CHSY3: variants seen among roughly 807,000 people sequenced by gnomAD.
The protein encoded by CHSY3 is chondroitin sulfate synthase 3.
A neutral mutation model predicts 67.2 loss-of-function variants in CHSY3; 35 were observed. The ratio of observed to expected loss-of-function variants is 0.52; its 90% CI spans 0.40 to 0.69. The LOEUF (loss-of-function observed/expected upper bound fraction) is 0.69. CHSY3 is among the 30% of genes least tolerant of loss of function. The probability of loss-of-function intolerance (pLI) is 0.00; values close to 1 mark genes in which losing one functional copy is unlikely to be tolerated. For missense variants in CHSY3, 1,069 were observed against 1,138.5 expected (o/e 0.94, Z 0.88); for synonymous variants, 474 against 434.7 (o/e 1.09, Z -1.12).
intron 2 of CHSY3, among the ~76,000 whole-genome samples, chr5:130,135,705 T>C (rs1373459428): frequency 6.6e-6 from 1 of 152,144 alleles, no homozygotes; most frequent in Admixed American, 6.5e-5. Context: ...ACCAGTCATG[T>C]TGAACTCATG....
intron 2 of CHSY3, 25 bp from the exon 3 acceptor site, chr5:130,184,204 T>TG: frequency 2.1e-6 from 3 of 1,448,800 alleles, no homozygotes; most frequent in Non-Finnish European, 2.7e-6. Flanking sequence ...AAATTAACCC[T>TG]GATTTTTTTA....
Position 130,001,566 on chromosome 5 carries a change from G to T in CHSY3, c.1086+93206G>T, listed in dbSNP as rs949124085. 6.8e-6 allele frequency: 6 copies of T among 876,264 alleles called. No individual in the cohort carries two copies. In the African/African-American group the frequency reaches 1.1e-4, roughly 16 times the overall value. 54.3% of individuals were successfully genotyped at this position (876,264 alleles called of 1,614,324 possible). A position where few individuals can be genotyped will look rare whatever the true frequency, so the allele number is the denominator to read the frequency against. ...CCCATGGAGAGTCCCTCCTGTCCTT[G>T]CCTTTATTCCAAAAGAATAGTACTA... On this transcript the variant is annotated intron_variant, in intron 2 of 2. Coordinates refer to ENST00000305031, the MANE Select transcript of CHSY3 (RefSeq NM_175856.5).
chr5:129,941,928 C>T (rs1370144473), intron 2 of CHSY3, among the ~76,000 whole-genome samples: 1 of 152,114 alleles, frequency 6.6e-6, no homozygotes, highest in Admixed American at 6.6e-5. Flanking sequence ...GCTCACAGAA[C>T]TCAGGGAAAT....
rs375531331 is a variant in CHSY3, at chr5:130,111,200, A to G, written c.1087-73029A>G. 4.4e-4 allele frequency among the ~76,000 whole-genome samples: 67 copies of G among 152,234 alleles called. 1 individual carries two copies. The South Asian group carries it at 0.013, about 31-fold the overall frequency. On this transcript the variant is annotated intron_variant, in intron 2 of 2. Coordinates refer to ENST00000305031, the MANE Select transcript of CHSY3 (RefSeq NM_175856.5). The stretch of plus-strand genomic sequence containing the variant: ...CAGTCAAGTACAAATCCCCGTAGTC[A>G]TGGATCTTCAGGATGAAAACTGATT...
At chr5:130,147,306 C>T (rs1016608138) in intron 2 of CHSY3, among the ~76,000 whole-genome samples, 3 of 152,108 alleles carry the variant, frequency 2.0e-5, no homozygotes, top group African/African-American at 4.8e-5. Flanking sequence ...TTAAAGCATA[C>T]GTGAGTTGTG....
intron 2 of CHSY3, among the ~76,000 whole-genome samples, chr5:129,999,826 C>T (rs951379129): frequency 2.0e-5 from 3 of 152,002 alleles, no homozygotes; most frequent in South Asian, 2.1e-4. Flanking sequence ...TAGGTAGCTG[C>T]AAGATAATGT....
At chr5:129,921,210 G>A (rs541151872) in intron 2 of CHSY3, among the ~76,000 whole-genome samples, 14 of 152,036 alleles carry the variant, frequency 9.2e-5, no homozygotes, top group Non-Finnish European at 1.6e-4. Flanking sequence ...TGCCAGCATC[G>A]CTACTCTTGC....
At chr5:129,934,838 G>C (rs150745087) in intron 2 of CHSY3, among the ~76,000 whole-genome samples, 4 of 152,170 alleles carry the variant, frequency 2.6e-5, no homozygotes, top group Admixed American at 2.6e-4. Flanking sequence ...ATTAAAAGGC[G>C]TAGGTCTCAC....
chr5:129,905,273 C>G lies in CHSY3; in HGVS notation c.444C>G (p.Gly148=), dbSNP rs1363454747. ...DGGAAGQRRD[G]RPGSSHNGSG... Reference sequence around the variant, plus strand: ...GCGCGGCTGGGCAGCGGAGAGACGGCCGGCCGGGGAGTAGCCACAACGGCA... The same window carrying G: ...GCGCGGCTGGGCAGCGGAGAGACGGGCGGCCGGGGAGTAGCCACAACGGCA... Residue 148 remains glycine (G), a synonymous_variant, in exon 1 of 3, where the codon GGC becomes GGG. Coordinates refer to ENST00000305031, the MANE Select transcript of CHSY3 (RefSeq NM_175856.5). 2 of 1,454,390 alleles carry G rather than the reference C, an allele frequency of 1.4e-6. No individual in the cohort carries two copies. Among genetic ancestry groups the G allele is most frequent in the African/African-American group, 2.9e-5 (2 of 69,442 alleles). 90.1% of individuals were successfully genotyped at this position (1,454,390 alleles called of 1,614,324 possible).
Position 129,905,280 on chromosome 5 carries a change from G to C in CHSY3, c.451G>C (p.Gly151Arg). The part of the protein sequence containing the change: ...AAGQRRDGRP[G>R]SSHNGSGDGG... ...TGGGCAGCGGAGAGACGGCCGGCCGGGGAGTAGCCACAACGGCAGCGGGGA... is the reference window on the plus strand; with the variant it reads ...TGGGCAGCGGAGAGACGGCCGGCCGCGGAGTAGCCACAACGGCAGCGGGGA... The change falls in exon 1 of 3, where the codon GGG (glycine) becomes CGG (arginine). Residue 151 changes from glycine to arginine, a missense_variant. Physicochemically the swap from Gly to Arg is moderately radical, Grantham distance 125 (BLOSUM62 -2). Transcript: ENST00000305031. The C allele has an allele frequency of 2.0e-6, 3 of 1,464,452 alleles. No individual in the cohort carries two copies. Among genetic ancestry groups the C allele is most frequent in the Non-Finnish European group, 2.7e-6 (3 of 1,111,266 alleles). 90.7% of individuals were successfully genotyped at this position (1,464,452 alleles called of 1,614,324 possible).
intron 2 of CHSY3, among the ~76,000 whole-genome samples, chr5:130,177,981 C>A (rs1770106502): frequency 6.6e-6 from 1 of 151,308 alleles, no homozygotes; most frequent in East Asian, 1.9e-4. Context: ...GATTTTATTA[C>A]CTTTATTTTC....
chr5:130,099,800 G>A (rs1168575006), intron 2 of CHSY3, among the ~76,000 whole-genome samples: 2 of 152,098 alleles, frequency 1.3e-5, no homozygotes, highest in Non-Finnish European at 2.9e-5. Context: ...GTAAGCTATG[G>A]CACATAATAT....
chr5:129,983,428 A>G (rs1045100940), intron 2 of CHSY3, among the ~76,000 whole-genome samples: 10 of 152,122 alleles, frequency 6.6e-5, no homozygotes, highest in African/African-American at 2.4e-4. Flanking sequence ...AATGTAATAC[A>G]TTACTTATTA....
chr5:130,185,825 G>A lies in CHSY3; in HGVS notation c.*34G>A. ...GCAACACATTTTGCCTTTTTTAAGG[G>A]GAGTTTACCTCATTGTTGGTTGTTG... is the stretch of plus-strand genomic sequence containing the variant. On this transcript the variant is annotated 3_prime_UTR_variant, in exon 3 of 3. Coordinates refer to ENST00000305031, the MANE Select transcript of CHSY3 (RefSeq NM_175856.5). 7.4e-7 allele frequency: 1 copy of A among 1,354,290 alleles called. No homozygotes were observed. Among genetic ancestry groups the A allele is most frequent in the Non-Finnish European group, 1.0e-6 (1 of 1,002,448 alleles). The allele number at this position is 1,354,290 out of a possible 1,614,324, so 83.9% of individuals were successfully genotyped here.
At chr5:129,980,203 C>G (rs1223623157) in intron 2 of CHSY3, among the ~76,000 whole-genome samples, 1 of 152,214 alleles carries the variant, frequency 6.6e-6, no homozygotes, top group Non-Finnish European at 1.5e-5. Flanking sequence ...CCATTTTGCA[C>G]TCATCCCAGC....
intron 2 of CHSY3, among the ~76,000 whole-genome samples, chr5:130,175,850 C>A (rs952681426): frequency 4.6e-5 from 7 of 151,860 alleles, no homozygotes; most frequent in African/African-American, 1.4e-4. Context: ...TATAAATTAA[C>A]TGAAGATGGG....
intron 2 of CHSY3, among the ~76,000 whole-genome samples, chr5:130,149,861 A>G (rs920414522): frequency 6.6e-6 from 1 of 152,192 alleles, no homozygotes; most frequent in Non-Finnish European, 1.5e-5. Context: ...AATTTTTAAA[A>G]TATGAATTAT....
chr5:129,988,447 T>A (rs1285276634), intron 2 of CHSY3, among the ~76,000 whole-genome samples: 1 of 152,204 alleles, frequency 6.6e-6, no homozygotes, highest in African/African-American at 2.4e-5. Flanking sequence ...GAAGCCCCAC[T>A]CACTGTCATG....
intron 2 of CHSY3, among the ~76,000 whole-genome samples, chr5:130,128,932 T>G (rs897929675): frequency 2.3e-5 from 3 of 129,776 alleles, no homozygotes; most frequent in East Asian, 3.8e-4. Flanking sequence ...AAATGTGAGG[T>G]TTTTTTTTTT....
Sources: gnomAD v4.1 joint callset for allele counts (sites outside exome capture counted in the v4.1 genomes callset) on GRCh38, gnomAD v4.1.1 for gene constraint, MANE v1.5 for transcripts, NCBI Gene and HGNC (gene_info 2026-07-23, HGNC 2026-07-21) for gene names.